C2orf69: variants seen among roughly 807,000 people sequenced by gnomAD.
C2orf69 encodes the protein mitochondrial protein C2orf69.
A neutral mutation model predicts 29.5 loss-of-function variants in C2orf69; 19 were observed. That is an observed-to-expected ratio of 0.65 (90% CI 0.45 to 0.95). The LOEUF (loss-of-function observed/expected upper bound fraction) is 0.95, where lower values mean the gene tolerates loss of function less well. C2orf69 is among the 40% of genes least tolerant of loss of function. The pLI is 0.00. For synonymous variants in C2orf69, 194 were observed against 180.0 expected, an observed-to-expected ratio of 1.08 and a Z score of -0.62; for missense variants, 416 against 482.1, an observed-to-expected ratio of 0.86 and a Z score of 1.28.
Position 199,917,823 on chromosome 2 carries a change from A to G in C2orf69, c.333+6052A>G, listed in dbSNP as rs1464115856. On this transcript the variant is annotated intron_variant, in intron 1 of 1. Transcript: ENST00000319974. Reference sequence around the variant, plus strand: ...CAGCACCCCACTCTCTGCAGTACCAATTTACTGTATTAGTCCATTCTCATG... The same window carrying G: ...CAGCACCCCACTCTCTGCAGTACCAGTTTACTGTATTAGTCCATTCTCATG... 1.3e-5 allele frequency among the ~76,000 whole-genome samples: 2 copies of G among 152,128 alleles called. 1 individual carries two copies. Among genetic ancestry groups the G allele is most frequent in the South Asian group, 4.1e-4 (2 of 4,824 alleles).
intron 1 of C2orf69, among the ~76,000 whole-genome samples, chr2:199,916,764 TC>T: frequency 6.6e-6 from 1 of 152,344 alleles, no homozygotes; most frequent in South Asian, 2.1e-4. Flanking sequence ...AGAGGTGGAC[TC>T]CTGTGGCTTT....
intron 1 of C2orf69, among the ~76,000 whole-genome samples, chr2:199,924,276 A>C (rs1479164957): frequency 6.6e-6 from 1 of 152,132 alleles, no homozygotes; most frequent in Non-Finnish European, 1.5e-5. Flanking sequence ...AAGTGATGAT[A>C]TGCACCTGTG....
At chr2:199,919,839 C>G (rs1303513735) in intron 1 of C2orf69, among the ~76,000 whole-genome samples, 1 of 152,252 alleles carries the variant, frequency 6.6e-6, no homozygotes, top group Non-Finnish European at 1.5e-5. Flanking sequence ...CAGAAGTTCA[C>G]TCTGCTCTAA....
At chr2:199,919,932 C>G (rs897812687) in intron 1 of C2orf69, among the ~76,000 whole-genome samples, 1 of 152,202 alleles carries the variant, frequency 6.6e-6, no homozygotes, top group Non-Finnish European at 1.5e-5. Flanking sequence ...ATCCATTGTT[C>G]GTTACTTCAA....
At chr2:199,912,860 C>G (rs994669788) in intron 1 of C2orf69, among the ~76,000 whole-genome samples, 1 of 151,822 alleles carries the variant, frequency 6.6e-6, no homozygotes, top group Non-Finnish European at 1.5e-5. Context: ...AGGCTGGTCT[C>G]GAACTTCTGA....
In C2orf69 at chr2:199,925,084, G is replaced by T. The variant is rs767688764; in HGVS notation, c.356G>T (p.Arg119Leu). 3.7e-6 allele frequency: 6 copies of T among 1,606,238 alleles called. No individual in the cohort carries two copies. Among genetic ancestry groups the T allele is most frequent in the Non-Finnish European group, 5.1e-6 (6 of 1,173,660 alleles). Residue 119 changes from arginine to leucine, a missense_variant, in exon 2 of 2, where the codon CGT (arginine) becomes CTT (leucine). This residue lies in a region of C2orf69 where 225 missense variants were observed against 307.3 expected (regional missense o/e 0.73). Coordinates refer to ENST00000319974, the MANE Select transcript of C2orf69 (RefSeq NM_153689.6). The surrounding 1 kb of genome is among the most constrained non-coding windows in gnomAD (Gnocchi z 4.9). Reference sequence around the variant, plus strand: ...CAGAATTACCATGAAATTATGACTCGTCATCCTGAGAATTATCAATGGGAA... The same window carrying T: ...CAGAATTACCATGAAATTATGACTCTTCATCCTGAGAATTATCAATGGGAA... ...DVQNYHEIMTRHPENYQWENW... is the reference protein window; with the variant it reads ...DVQNYHEIMTLHPENYQWENW...
chr2:199,916,390 CT>C (rs146029259), intron 1 of C2orf69, among the ~76,000 whole-genome samples: 97,383 of 151,916 alleles, frequency 0.64, 31,520 homozygotes, highest in African/African-American at 0.71. Flanking sequence ...CATTCCACCC[CT>C]AGCCCCTCCC....
At position 199,911,634 on chromosome 2, in the gene C2orf69, C is replaced by T; in HGVS notation, c.196C>T (p.Gln66Ter). Residue 66 changes from glutamine to a stop codon, truncating the protein, a stop_gained, in exon 1 of 2, where the codon CAG (glutamine) becomes TAG (stop). Transcript: ENST00000319974. LOFTEE classifies it high-confidence loss of function. ...TTCCACCGTGCCTGGAGCCGATCCG[C>T]AGCGCAGCAACGAATTGCTCCTGTT... ...QLSTVPGADP[Q>*]RSNELLLLAA... 1 of 1,549,448 alleles carries T rather than the reference C, an allele frequency of 6.5e-7. No homozygotes were observed. The highest frequency in any genetic ancestry group is 8.7e-7 in the Non-Finnish European group (1 of 1,146,548).
rs192061275 is a variant in C2orf69, at chr2:199,920,685, G to T, written c.334-4377G>T. On this transcript the variant is annotated intron_variant, in intron 1 of 1. Transcript: ENST00000319974. ...AAAAGTCAAATGATGGGCCAGGCGC[G>T]GTGGCTCATGCCTGTAATCCCAGCA... Among the ~76,000 whole-genome samples, 4 of 152,006 alleles carry T rather than the reference G, an allele frequency of 2.6e-5. No homozygotes were observed. In the East Asian group the frequency reaches 7.8e-4, roughly 30 times the overall value.
rs973459800 is a variant in C2orf69 at position 199,911,791 on chromosome 2, G to C, written c.333+20G>C. On this transcript the variant is annotated intron_variant, in intron 1 of 1. Coordinates refer to ENST00000319974, the MANE Select transcript of C2orf69 (RefSeq NM_153689.6). ...GTGCAGGTAACTCGGGGCCTGCCTG[G>C]GTATCTGTTCCTTCCTCTCGTGTAT... is the stretch of plus-strand genomic sequence containing the variant. 1 of 1,537,028 alleles carries C rather than the reference G, an allele frequency of 6.5e-7. No individual in the cohort carries two copies. Among genetic ancestry groups the C allele is most frequent in the East Asian group, 2.4e-5 (1 of 40,900 alleles).
intron 1 of C2orf69, among the ~76,000 whole-genome samples, chr2:199,915,856 G>A (rs914300222): frequency 5.3e-5 from 8 of 151,984 alleles, no homozygotes; most frequent in Non-Finnish European, 1.2e-4. Context: ...ATTATTTGGT[G>A]TTTGTTAATT....
intron 1 of C2orf69, among the ~76,000 whole-genome samples, chr2:199,921,277 A>T (rs1040944713): frequency 6.6e-6 from 1 of 152,008 alleles, no homozygotes; most frequent in Admixed American, 6.6e-5. Context: ...AAGTGCTGGG[A>T]TTACAGACGT....
At chr2:199,912,277 TA>T (rs1284123197) in intron 1 of C2orf69, among the ~76,000 whole-genome samples, 2 of 152,202 alleles carry the variant, frequency 1.3e-5, no homozygotes, top group African/African-American at 2.4e-5. Context: ...GGACAATAAT[TA>T]TTAAGCATGT....
At chr2:199,922,031 T>TATATATATATATATATATA (rs1553566021) in intron 1 of C2orf69, among the ~76,000 whole-genome samples, 27 of 78,956 alleles carry the variant, frequency 3.4e-4, no homozygotes, top group East Asian at 2.9e-3. Flanking sequence ...ACTGTTATTT[T>TATATATATATATATATATA]TATATATATA....
chr2:199,913,199 T>C (rs1225501916), intron 1 of C2orf69, among the ~76,000 whole-genome samples: 1 of 99,730 alleles, frequency 1.0e-5, no homozygotes, highest in Non-Finnish European at 1.9e-5. Context: ...ATATTATATA[T>C]AATATATAAT....
In C2orf69 at chr2:199,911,315, C is replaced by A; in HGVS notation, c.-124C>A. On this transcript the variant is annotated 5_prime_UTR_variant, in exon 1 of 2. Transcript: ENST00000319974. ...GGCCTCTGACGTCGTCGCCTCAGCG[C>A]CGGCTCCCGGCCGGGCCGCGGCCGC... 8.2e-7 allele frequency: 1 copy of A among 1,218,992 alleles called. No individual in the cohort carries two copies. The highest frequency in any genetic ancestry group is 1.1e-6 in the Non-Finnish European group (1 of 935,122). 75.5% of individuals were successfully genotyped at this position (1,218,992 alleles called of 1,614,324 possible).
Position 199,925,686 on chromosome 2 carries a change from T to A in C2orf69, c.958T>A (p.Phe320Ile). The A allele has an allele frequency of 6.2e-7, 1 of 1,613,884 alleles. No homozygotes were observed. Among genetic ancestry groups the A allele is most frequent in the Non-Finnish European group, 8.5e-7 (1 of 1,179,806 alleles). The change falls in exon 2 of 2, where the codon TTT (phenylalanine) becomes ATT (isoleucine). Residue 320 changes from phenylalanine to isoleucine, a missense_variant. Transcript: ENST00000319974. The surrounding 1 kb of genome is among the most constrained non-coding windows in gnomAD (Gnocchi z 4.9). ...TACTTATCCAGAAGTCTTGAAAGAA[T>A]TTGCACAAACAGGAATTATCGTTCA... Reference protein sequence around the residue: ...WVTYPEVLKEFAQTGIIVHTH... With the variant: ...WVTYPEVLKEIAQTGIIVHTH...
chr2:199,925,565 A>T lies in C2orf69; in HGVS notation c.837A>T (p.Glu279Asp), dbSNP rs2077332492. 1 of 1,613,842 alleles carries T rather than the reference A, an allele frequency of 6.2e-7. No individual in the cohort carries two copies. Among genetic ancestry groups the T allele is most frequent in the African/African-American group, 1.3e-5 (1 of 74,936 alleles). ...ATCAGTTGCTTTTTGAATTGAAAGA[A>T]GCCAAGAAAGACAAGAACATAGATG... ...VLNQLLFELKEAKKDKNIDAF... is the reference protein window; with the variant it reads ...VLNQLLFELKDAKKDKNIDAF... Residue 279 changes from glutamate (E) to aspartate (D), a missense_variant, in exon 2 of 2, where the codon GAA (glutamate) becomes GAT (aspartate). This residue lies in a region of C2orf69 where 225 missense variants were observed against 307.3 expected (regional missense o/e 0.73). Transcript: ENST00000319974. This position sits in a 1 kb window ranked among gnomAD's most constrained non-coding sequence, Gnocchi z 4.9.
In C2orf69 at chr2:199,925,661, T is replaced by TAA; in HGVS notation, c.934_935insAA (p.Thr312LysfsTer7). 1 of 1,613,948 alleles carries TAA rather than the reference T, an allele frequency of 6.2e-7. No homozygotes were observed. Among genetic ancestry groups the TAA allele is most frequent in the Non-Finnish European group, 8.5e-7 (1 of 1,179,820 alleles). ...ATTCTGGAGGAAGCAATACTTGGGT[T>TAA]ACTTATCCAGAAGTCTTGAAAGAAT... On this transcript the variant is annotated frameshift_variant, in exon 2 of 2. Coordinates refer to ENST00000319974, the MANE Select transcript of C2orf69 (RefSeq NM_153689.6). LOFTEE classifies it high-confidence loss of function. The surrounding 1 kb of genome is among the most constrained non-coding windows in gnomAD (Gnocchi z 4.9).
Sources: gnomAD v4.1 joint callset for allele counts (sites outside exome capture counted in the v4.1 genomes callset) on GRCh38, gnomAD v4.1.1 for gene constraint, gnomAD v4.1.1 regional missense constraint, Gnocchi (gnomAD v3.1) non-coding constraint, MANE v1.5 for transcripts, NCBI Gene and HGNC (gene_info 2026-07-23, HGNC 2026-07-21) for gene names.